Variants in KIAA1217 observed in about 807,000 individuals in gnomAD.
The protein encoded by KIAA1217 is sickle tail protein homolog.
Under a neutral mutation model 163.9 loss-of-function variants are expected in KIAA1217, and 88 were observed. The observed-to-expected ratio is 0.54, with a 90% confidence interval of 0.45 to 0.64. KIAA1217 has a LOEUF of 0.64. Among genes scored for constraint, KIAA1217 ranks in the 30% least tolerant of loss-of-function variants. The pLI is 0.00. For missense variants in KIAA1217, 2,372 were observed against 2,475.0 expected, an observed-to-expected ratio of 0.96 and a Z score of 0.88; for synonymous variants, 903 against 923.1, an observed-to-expected ratio of 0.98 and a Z score of 0.39.
At chr10:24,058,245 TTGTCTATATGTC>T (rs2060597877) in intron 2 of KIAA1217, among the ~76,000 whole-genome samples, 1 of 152,222 alleles carries the variant, frequency 6.6e-6, no homozygotes, top group Admixed American at 6.5e-5. Context: ...TCTGTACCAT[TTGTCTATATGTC>T]TGTCTTTATG....
At chr10:24,000,001 G>A (rs1382219226) in intron 1 of KIAA1217, among the ~76,000 whole-genome samples, 1 of 152,164 alleles carries the variant, frequency 6.6e-6, no homozygotes, top group Non-Finnish European at 1.5e-5. Context: ...AGGAGTTTGA[G>A]CTTACAGTGA....
At position 24,509,076 on chromosome 10, in the gene KIAA1217, A is replaced by G. The variant is rs75566709; in HGVS notation, c.2002-4183A>G. Among the ~76,000 whole-genome samples, 1,344 of 152,370 alleles carry G rather than the reference A, an allele frequency of 8.8e-3. 8 individuals are homozygous for G. Among genetic ancestry groups the G allele is most frequent in the Non-Finnish European group, 0.014 (962 of 68,038 alleles). Reference sequence around the variant, plus strand: ...TGCCTCAAGACAGTTGATTTTAACTATTGAAATGTAGGTATCACCTCTTAA... The same window carrying G: ...TGCCTCAAGACAGTTGATTTTAACTGTTGAAATGTAGGTATCACCTCTTAA... On this transcript the variant is annotated intron_variant, in intron 9 of 20. Transcript: ENST00000376454.
At chr10:24,489,029 G>A (rs185756423) in intron 6 of KIAA1217, among the ~76,000 whole-genome samples, 2 of 152,278 alleles carry the variant, frequency 1.3e-5, no homozygotes, top group Admixed American at 1.3e-4. Flanking sequence ...AACACTTTCT[G>A]GGGTGGGGAG....
chr10:24,198,939 C>T (rs561934603), intron 2 of KIAA1217, among the ~76,000 whole-genome samples: 9 of 152,010 alleles, frequency 5.9e-5, no homozygotes, highest in Admixed American at 1.3e-4. Flanking sequence ...CATGAACAAG[C>T]CAGGTGTGGT....
chr10:23,936,188 C>T (rs1405907256), intron 1 of KIAA1217, among the ~76,000 whole-genome samples: 1 of 152,114 alleles, frequency 6.6e-6, no homozygotes, highest in Non-Finnish European at 1.5e-5. Flanking sequence ...CCAGTCAGCT[C>T]CTGGGGTCCT....
At chr10:23,960,327 C>T (rs966305739) in intron 1 of KIAA1217, among the ~76,000 whole-genome samples, 1 of 149,988 alleles carries the variant, frequency 6.7e-6, no homozygotes, top group Non-Finnish European at 1.5e-5. Flanking sequence ...GGTGAGATCT[C>T]GGCTTACCGC....
intron 2 of KIAA1217, among the ~76,000 whole-genome samples, chr10:24,297,321 C>A (rs1270393596): frequency 6.6e-6 from 1 of 152,148 alleles, no homozygotes; most frequent in Non-Finnish European, 1.5e-5. Context: ...GTCTGTTTCT[C>A]CTCAGTGTGA....
At chr10:24,194,476 T>C (rs1237690076) in intron 2 of KIAA1217, among the ~76,000 whole-genome samples, 1 of 150,440 alleles carries the variant, frequency 6.6e-6, no homozygotes, top group African/African-American at 2.5e-5. Flanking sequence ...CACTTGCCAC[T>C]CCACCTGACC....
intron 1 of KIAA1217, among the ~76,000 whole-genome samples, chr10:23,978,790 T>C (rs1416885103): frequency 6.6e-6 from 1 of 152,166 alleles, no homozygotes; most frequent in African/African-American, 2.4e-5. Context: ...ATAGAAGTTG[T>C]GTTTTCCTTG....
chr10:24,487,300 C>T (rs1564779166), intron 6 of KIAA1217, among the ~76,000 whole-genome samples: 1 of 152,224 alleles, frequency 6.6e-6, no homozygotes, highest in Non-Finnish European at 1.5e-5. Flanking sequence ...CTGTAGCCAC[C>T]ATGCCCACCC....
At chr10:24,416,086 AAACTTTTCT>A (rs1459930688) in intron 3 of KIAA1217, among the ~76,000 whole-genome samples, 1 of 152,164 alleles carries the variant, frequency 6.6e-6, no homozygotes, top group Non-Finnish European at 1.5e-5. Flanking sequence ...ACAAGGGAGG[AAACTTTTCT>A]AACAGCCCTA....
intron 2 of KIAA1217, among the ~76,000 whole-genome samples, chr10:24,304,349 A>G (rs1017402728): frequency 2.6e-5 from 4 of 151,654 alleles, no homozygotes; most frequent in Admixed American, 1.3e-4. Context: ...TTTTTTTAAC[A>G]TTTAAAAAAA....
At chr10:24,378,941 C>T (rs1190570524) in intron 2 of KIAA1217, among the ~76,000 whole-genome samples, 1 of 152,146 alleles carries the variant, frequency 6.6e-6, no homozygotes, top group African/African-American at 2.4e-5. Flanking sequence ...GAACAAGAAA[C>T]AGAGATTTGA....
chr10:24,217,841 T>A (rs2069039328), intron 1 of KIAA1217, among the ~76,000 whole-genome samples: 1 of 152,222 alleles, frequency 6.6e-6, no homozygotes, highest in Non-Finnish European at 1.5e-5. Flanking sequence ...AACTTATTTT[T>A]AAAAAAATTA....
intron 2 of KIAA1217, among the ~76,000 whole-genome samples, chr10:24,100,062 C>G (rs767604707): frequency 5.9e-5 from 9 of 152,036 alleles, no homozygotes; most frequent in Non-Finnish European, 7.4e-5. Flanking sequence ...TTGTCCTCCT[C>G]CTCCCCTCCC....
At chr10:24,441,013 T>G (rs1228766587) in intron 5 of KIAA1217, among the ~76,000 whole-genome samples, 3 of 152,236 alleles carry the variant, frequency 2.0e-5, no homozygotes, top group Non-Finnish European at 4.4e-5. Flanking sequence ...GAAGCTTTGT[T>G]GAGCCCTGCC....
chr10:24,411,586 T>C (rs1482124088), intron 3 of KIAA1217, among the ~76,000 whole-genome samples: 1 of 152,202 alleles, frequency 6.6e-6, no homozygotes, highest in African/African-American at 2.4e-5. Flanking sequence ...GGTTTATCTA[T>C]TATGAGAAAG....
rs55881849 is a variant in KIAA1217 at position 24,360,040 on chromosome 10, C to CATTTTTTTTTTTTTTTTTTTTTT, written c.355-20829_355-20828insATTTTTTTTTTTTTTTTTTTTTT. On this transcript the variant is annotated intron_variant, in intron 2 of 20. Transcript: ENST00000376454. ...ACTGTGTATCTTTAGGATATAATTACTTTTTTTTTTTTTTTTTTTTTTTTG... is the reference window on the plus strand; with the variant it reads ...ACTGTGTATCTTTAGGATATAATTACATTTTTTTTTTTTTTTTTTTTTTTTTTTTTTTTTTTTTTTTTTTTTTG... Among the ~76,000 whole-genome samples the CATTTTTTTTTTTTTTTTTTTTTT allele has an allele frequency of 7.4e-5, 7 of 94,282 alleles. 3 individuals are homozygous for CATTTTTTTTTTTTTTTTTTTTTT. The allele number at this position is 94,282 out of a possible 152,430, so 61.9% of individuals were successfully genotyped here.
At chr10:24,135,653 C>A (rs1468755336) in intron 2 of KIAA1217, among the ~76,000 whole-genome samples, 3 of 151,884 alleles carry the variant, frequency 2.0e-5, no homozygotes, top group African/African-American at 7.3e-5. Context: ...GAGGAGATGG[C>A]AAGGTGAGCA....
Sources: gnomAD v4.1 joint callset for allele counts (sites outside exome capture counted in the v4.1 genomes callset) on GRCh38, gnomAD v4.1.1 for gene constraint, MANE v1.5 for transcripts, NCBI Gene and HGNC (gene_info 2026-07-23, HGNC 2026-07-21) for gene names.